Variants in ERCC6L2 observed in about 807,000 individuals in gnomAD.
ERCC6L2 encodes ERCC excision repair 6 like 2, also known as DNA excision repair protein ERCC-6-like 2.
ERCC6L2 carries 77 observed loss-of-function variants against 132.0 expected under a neutral mutation model. That is an observed-to-expected ratio of 0.58 (90% CI 0.49 to 0.71). The LOEUF is 0.71. ERCC6L2 is among the 30% of genes least tolerant of loss of function. ERCC6L2 has a pLI of 0.00. For missense variants in ERCC6L2, 1,542 were observed against 1,837.6 expected (o/e 0.84, Z 2.94); for synonymous variants, 583 against 632.4 (o/e 0.92, Z 1.17).
In ERCC6L2 at chr9:96,017,452, G is replaced by A. The variant is rs923343264; in HGVS notation, c.*4249G>A. Reference sequence around the variant, plus strand: ...CAGGCTGTGTGGTTCCCAGCCCCAAGGGTAGCAAGTCAGAACCTCCGGAGA... The same window carrying A: ...CAGGCTGTGTGGTTCCCAGCCCCAAAGGTAGCAAGTCAGAACCTCCGGAGA... On this transcript the variant is annotated 3_prime_UTR_variant, in exon 19 of 19. Transcript: ENST00000653738. Among the ~76,000 whole-genome samples, 1 of 152,152 alleles carries A rather than the reference G, an allele frequency of 6.6e-6. No homozygotes were observed.
intron 17 of ERCC6L2, among the ~76,000 whole-genome samples, chr9:96,001,808 C>G (rs920330795): frequency 6.6e-6 from 1 of 152,256 alleles, no homozygotes; most frequent in African/African-American, 2.4e-5. Context: ...CACAGGAGCC[C>G]ATGGAGTGGG....
chr9:95,903,518 C>A (rs1317862975), intron 3 of ERCC6L2, among the ~76,000 whole-genome samples: 1 of 151,612 alleles, frequency 6.6e-6, no homozygotes, highest in Non-Finnish European at 1.5e-5. Flanking sequence ...TTCTTATTTA[C>A]TTCTCTTTTT....
chr9:95,903,684 A>AT (rs1828891067), intron 3 of ERCC6L2, among the ~76,000 whole-genome samples: 2 of 152,146 alleles, frequency 1.3e-5, no homozygotes, highest in South Asian at 4.1e-4. Context: ...GAAGCCATAC[A>AT]TGTCAGTGCT....
At chr9:95,921,376 G>A in intron 7 of ERCC6L2, 61 bp downstream of exon 7, 2 of 1,310,338 alleles carry the variant, frequency 1.5e-6, no homozygotes, top group Non-Finnish European at 2.1e-6. Flanking sequence ...CTCTTCTAGT[G>A]TAAAAGAAAG....
intron 19 of ERCC6L2, among the ~76,000 whole-genome samples, chr9:96,034,619 G>C (rs1224214121): frequency 6.6e-6 from 1 of 152,210 alleles, no homozygotes; most frequent in Non-Finnish European, 1.5e-5. Flanking sequence ...GGCTGCTTGT[G>C]GGGAGCCAGC....
Position 96,014,554 on chromosome 9 carries a change from T to C in ERCC6L2, c.*1351T>C, listed in dbSNP as rs1029004987. 6.6e-6 allele frequency: 1 copy of C among 152,234 alleles called. No homozygotes were observed. The highest frequency in any genetic ancestry group is 1.5e-5 in the Non-Finnish European group (1 of 68,044). The allele number at this position is 152,234 out of a possible 1,614,324, so 9.4% of individuals were successfully genotyped here. On this transcript the variant is annotated 3_prime_UTR_variant, in exon 19 of 19. Transcript: ENST00000653738. ...ATATATGATTGGAATAAAATGTTTA[T>C]GAAATATTTACTCATAAGCCATGTA...
At chr9:95,973,149 T>TGA (rs1832505178) in intron 16 of ERCC6L2, 61 bp downstream of exon 16, 1 of 1,085,848 alleles carries the variant, frequency 9.2e-7, no homozygotes, top group Non-Finnish European at 1.2e-6. Context: ...AATAGTTCTG[T>TGA]GAGACGCTTT....
chr9:95,973,592 G>A (rs1339159638), intron 16 of ERCC6L2, among the ~76,000 whole-genome samples: 1 of 152,058 alleles, frequency 6.6e-6, no homozygotes, highest in South Asian at 2.1e-4. Context: ...TTGCAGAGGG[G>A]AACTCCTCTT....
At chr9:96,033,327 C>T (rs1221400143) in intron 19 of ERCC6L2, among the ~76,000 whole-genome samples, 2 of 151,630 alleles carry the variant, frequency 1.3e-5, no homozygotes, top group Non-Finnish European at 2.9e-5. Flanking sequence ...CTCACTGCAA[C>T]CTCCGACTCT....
At chr9:95,946,399 G>A (rs780060278) in intron 12 of ERCC6L2, among the ~76,000 whole-genome samples, 33 of 152,226 alleles carry the variant, frequency 2.2e-4, no homozygotes, top group Admixed American at 5.9e-4. Context: ...GTGATGGCAG[G>A]CGCTTGTAGT....
intron 9 of ERCC6L2, among the ~76,000 whole-genome samples, chr9:95,924,699 A>G (rs1043708907): frequency 6.6e-6 from 1 of 152,134 alleles, no homozygotes; most frequent in Non-Finnish European, 1.5e-5. Context: ...TCATTAATAT[A>G]TACTTGTAAA....
At chr9:95,958,718 T>A (rs1011523908) in intron 13 of ERCC6L2, among the ~76,000 whole-genome samples, 4 of 152,086 alleles carry the variant, frequency 2.6e-5, no homozygotes, top group Admixed American at 2.0e-4. Flanking sequence ...TCACAAGCAT[T>A]CTCATACACC....
At chr9:95,894,465 G>C (rs890506175) in intron 2 of ERCC6L2, among the ~76,000 whole-genome samples, 9 of 151,260 alleles carry the variant, frequency 6.0e-5, no homozygotes, top group Non-Finnish European at 1.3e-4. Flanking sequence ...AACATTTGGA[G>C]ATTTTCTGCT....
intron 11 of ERCC6L2, among the ~76,000 whole-genome samples, chr9:95,940,726 AGT>A (rs1345787650): frequency 1.3e-5 from 2 of 151,690 alleles, no homozygotes; most frequent in Non-Finnish European, 1.5e-5. Flanking sequence ...GGAAAAAAAA[AGT>A]GTGTGTGTTG....
chr9:95,972,675 G>T lies in ERCC6L2; in HGVS notation c.2924G>T (p.Gly975Val), dbSNP rs781637695. 1.5e-6 allele frequency: 2 copies of T among 1,299,090 alleles called. No individual in the cohort carries two copies. Among genetic ancestry groups the T allele is most frequent in the South Asian group, 2.5e-5 (2 of 80,974 alleles). 80.5% of individuals were successfully genotyped at this position (1,299,090 alleles called of 1,614,324 possible). ...CTGAAATCTATTTTGAAAAGAAAAG[G>T]CACCAGTGATATCAGTGATGAATCT... Reference protein sequence around the residue: ...TTLKSILKRKGTSDISDESDD... With the variant: ...TTLKSILKRKVTSDISDESDD... The change falls in exon 16 of 19, where the codon GGC becomes GTC. Residue 975 changes from glycine to valine, a missense_variant. Gly to Val is a moderately radical substitution (Grantham distance 109, BLOSUM62 -3). Coordinates refer to ENST00000653738, the MANE Select transcript of ERCC6L2 (RefSeq NM_020207.7).
chr9:95,936,612 A>G (rs1470074189), intron 11 of ERCC6L2, among the ~76,000 whole-genome samples: 2 of 152,194 alleles, frequency 1.3e-5, no homozygotes, highest in South Asian at 4.1e-4. Context: ...GAAATAATAC[A>G]GAATGATCCC....
chr9:95,982,711 G>GTGTA (rs142907778), intron 17 of ERCC6L2, among the ~76,000 whole-genome samples: 3 of 151,302 alleles, frequency 2.0e-5, no homozygotes, highest in Non-Finnish European at 2.9e-5. Flanking sequence ...TAAAATATGT[G>GTGTA]TATATATATA....
chr9:96,001,706 C>T (rs567872436), intron 17 of ERCC6L2, among the ~76,000 whole-genome samples: 65 of 152,376 alleles, frequency 4.3e-4, no homozygotes, highest in African/African-American at 1.4e-3. Flanking sequence ...GCCAGTCCTG[C>T]GCCGTGTGCT....
At chr9:95,944,779 C>T (rs1435863619) in intron 12 of ERCC6L2, among the ~76,000 whole-genome samples, 2 of 152,106 alleles carry the variant, frequency 1.3e-5, no homozygotes, top group Non-Finnish European at 1.5e-5. Flanking sequence ...CATCACATGT[C>T]GGCAGGTTCC....
Sources: gnomAD v4.1 joint callset for allele counts (sites outside exome capture counted in the v4.1 genomes callset) on GRCh38, gnomAD v4.1.1 for gene constraint, MANE v1.5 for transcripts, NCBI Gene and HGNC (gene_info 2026-07-23, HGNC 2026-07-21) for gene names.